Variants in FCHSD2 observed in about 807,000 individuals in gnomAD.
FCHSD2 encodes F-BAR and double SH3 domains protein 2.
FCHSD2 carries 38 observed loss-of-function variants against 108.1 expected under a neutral mutation model. The ratio of observed to expected loss-of-function variants is 0.35; its 90% CI spans 0.27 to 0.46. The LOEUF is 0.46. Among genes scored for constraint, FCHSD2 ranks in the 20% least tolerant of loss-of-function variants. The pLI, the probability that FCHSD2 is intolerant of heterozygous loss-of-function variation, is 1.00. For synonymous variants in FCHSD2, 279 were observed against 314.7 expected, an observed-to-expected ratio of 0.89 and a Z score of 1.20; for missense variants, 751 against 897.8, an observed-to-expected ratio of 0.84 and a Z score of 2.09.
rs1400108619 is a variant in FCHSD2 at position 72,959,421 on chromosome 11, G to C, written c.705+24667C>G. Among the ~76,000 whole-genome samples, 40 of 148,686 alleles carry C rather than the reference G, an allele frequency of 2.7e-4. 2 individuals are homozygous for C. The highest frequency in any genetic ancestry group is 2.5e-3 in the Admixed American group (38 of 14,904). Reference sequence around the variant, plus strand: ...TTTTTTTTTTTTTGTATTTTTAGTAGAGACGGGGTTTCACCGTGTTAGCCA... The same window carrying C: ...TTTTTTTTTTTTTGTATTTTTAGTACAGACGGGGTTTCACCGTGTTAGCCA... On this transcript the variant is annotated intron_variant, in intron 8 of 19. Coordinates refer to ENST00000409418, the MANE Select transcript of FCHSD2 (RefSeq NM_014824.3).
At chr11:72,933,044 T>G (rs141791908) in intron 8 of FCHSD2, among the ~76,000 whole-genome samples, 1 of 152,220 alleles carries the variant, frequency 6.6e-6, no homozygotes, top group African/African-American at 2.4e-5. Flanking sequence ...CATCCTTTTA[T>G]GTGGAATTCC....
chr11:73,111,878 A>G (rs1860494686), intron 2 of FCHSD2, among the ~76,000 whole-genome samples: 1 of 152,204 alleles, frequency 6.6e-6, no homozygotes, highest in African/African-American at 2.4e-5. Flanking sequence ...AAACTAATAA[A>G]AACCTACACT....
intron 13 of FCHSD2, among the ~76,000 whole-genome samples, chr11:72,857,746 G>A (rs1246663688): frequency 6.6e-6 from 1 of 151,824 alleles, no homozygotes; most frequent in Non-Finnish European, 1.5e-5. Context: ...CACCGCGCCC[G>A]GCCAAAATGC....
chr11:73,128,890 G>A (rs1860922090), intron 2 of FCHSD2, among the ~76,000 whole-genome samples: 1 of 152,034 alleles, frequency 6.6e-6, no homozygotes, highest in Non-Finnish European at 1.5e-5. Context: ...TTTTCTTTTT[G>A]AGACAGAGTC....
intron 8 of FCHSD2, among the ~76,000 whole-genome samples, chr11:72,977,926 A>G (rs567054922): frequency 2.6e-5 from 4 of 152,382 alleles, no homozygotes; most frequent in Admixed American, 6.5e-5. Context: ...ATGCCCATCA[A>G]TGATAGACTG....
intron 12 of FCHSD2, among the ~76,000 whole-genome samples, chr11:72,880,957 T>C (rs1376749956): frequency 6.6e-6 from 1 of 151,690 alleles, no homozygotes; most frequent in Non-Finnish European, 1.5e-5. Context: ...GAAATGCTTC[T>C]GGACATTGGT....
At chr11:72,889,793 A>C in intron 11 of FCHSD2, 36 bp downstream of exon 11, 1 of 1,168,456 alleles carries the variant, frequency 8.6e-7, no homozygotes. Flanking sequence ...CATTTGGCTT[A>C]AGGTGAATGT....
intron 8 of FCHSD2, among the ~76,000 whole-genome samples, chr11:72,948,796 G>A (rs1856568200): frequency 6.6e-6 from 1 of 151,792 alleles, no homozygotes. Flanking sequence ...CTCCCGAGTA[G>A]CTGGGACTAC....
intron 8 of FCHSD2, among the ~76,000 whole-genome samples, chr11:72,959,854 GT>G (rs1444031659): frequency 1.3e-3 from 4 of 3,068 alleles, no homozygotes; most frequent in Non-Finnish European, 0.012. Flanking sequence ...AGTTTCTAGG[GT>G]GTGTGTGTGT....
At chr11:73,019,175 T>C (rs768533291) in intron 3 of FCHSD2, among the ~76,000 whole-genome samples, 4 of 152,184 alleles carry the variant, frequency 2.6e-5, no homozygotes, top group Non-Finnish European at 4.4e-5. Flanking sequence ...ACACAGAACA[T>C]AGAATATGAG....
chr11:72,863,997 C>T (rs1854660451), intron 13 of FCHSD2, among the ~76,000 whole-genome samples: 1 of 152,218 alleles, frequency 6.6e-6, no homozygotes. Flanking sequence ...GTTTTAGAAA[C>T]TCCTTATCTT....
intron 12 of FCHSD2, among the ~76,000 whole-genome samples, chr11:72,883,887 G>A (rs1036906462): frequency 2.7e-5 from 4 of 150,424 alleles, no homozygotes; most frequent in Non-Finnish European, 5.9e-5. Context: ...AGTTGAGATC[G>A]TGCCACTGCA....
chr11:73,126,339 TAAAAAAAAAAAAAAAAAAA>T (rs61586562), intron 2 of FCHSD2, among the ~76,000 whole-genome samples: 2 of 27,658 alleles, frequency 7.2e-5, no homozygotes. Flanking sequence ...GATTCCATCT[TAAAAAAAAAAAAAAAAAAA>T]AAAAAAAAAA....
At chr11:73,069,521 GGATAA>G (rs1360012497) in intron 3 of FCHSD2, among the ~76,000 whole-genome samples, 1 of 151,694 alleles carries the variant, frequency 6.6e-6, no homozygotes, top group Non-Finnish European at 1.5e-5. Flanking sequence ...ACAAAGCAAT[GGATAA>G]GATAAAACCC....
chr11:72,963,750 T>C (rs1221555290), intron 8 of FCHSD2, among the ~76,000 whole-genome samples: 1 of 152,190 alleles, frequency 6.6e-6, no homozygotes, highest in African/African-American at 2.4e-5. Flanking sequence ...CTTACACCTA[T>C]GATAATCTAA....
At chr11:72,905,384 T>C (rs1317481744) in intron 9 of FCHSD2, among the ~76,000 whole-genome samples, 1 of 152,146 alleles carries the variant, frequency 6.6e-6, no homozygotes, top group African/African-American at 2.4e-5. Context: ...GTAAATGGGG[T>C]ATCCACCACC....
chr11:73,088,943 C>A (rs1181389543), intron 2 of FCHSD2, among the ~76,000 whole-genome samples: 1 of 151,984 alleles, frequency 6.6e-6, no homozygotes, highest in East Asian at 1.9e-4. Context: ...CACGTGAAGT[C>A]CACAAGAAAA....
chr11:72,887,712 A>G (rs1343300527), intron 11 of FCHSD2, 138 bp from the exon 12 acceptor site: 1 of 553,060 alleles, frequency 1.8e-6, no homozygotes, highest in Non-Finnish European at 3.0e-6. Flanking sequence ...TTTTTTGAAC[A>G]TTTTGAAATA....
intron 2 of FCHSD2, among the ~76,000 whole-genome samples, chr11:73,088,316 G>A (rs1395738824): frequency 1.3e-5 from 2 of 152,226 alleles, no homozygotes; most frequent in East Asian, 1.9e-4. Context: ...GGAGCAATAG[G>A]CTATATCATA....
Sources: allele counts gnomAD v4.1 joint callset (sites outside exome capture counted in the v4.1 genomes callset), GRCh38; gene constraint gnomAD v4.1.1; transcripts MANE v1.5; gene names NCBI Gene and HGNC (gene_info 2026-07-23, HGNC 2026-07-21).